The following PTPRD variants were observed in gnomAD, a reference collection of about 807,000 sequenced individuals.
The protein encoded by PTPRD is protein tyrosine phosphatase receptor type D.
In PTPRD, 34 loss-of-function variants were observed where a neutral mutation model predicts 214.5. The observed-to-expected ratio is 0.16, with a 90% CI of 0.12 to 0.21. The LOEUF is 0.21. PTPRD is among the 10% of genes least tolerant of loss of function. The pLI, the probability that PTPRD is intolerant of heterozygous loss-of-function variation, is 1.00. For missense variants in PTPRD, 2,545 were observed against 2,398.7 expected (o/e 1.06, Z -1.27); for synonymous variants, 1,128 against 845.7 (o/e 1.33, Z -5.79).
intron 3 of PTPRD, among the ~76,000 whole-genome samples, chr9:10,100,093 T>C (rs915497078): frequency 6.6e-6 from 1 of 151,674 alleles, no homozygotes; most frequent in Admixed American, 6.6e-5. Context: ...TTCCATAGGA[T>C]ATGTTTTGAG....
At chr9:10,364,324 C>G (rs913327823) in intron 2 of PTPRD, among the ~76,000 whole-genome samples, 1 of 152,002 alleles carries the variant, frequency 6.6e-6, no homozygotes, top group Non-Finnish European at 1.5e-5. Context: ...TTTTAGGTGA[C>G]AAAGCCAAAG....
intron 39 of PTPRD, among the ~76,000 whole-genome samples, chr9:8,367,582 T>G (rs4742487): frequency 6.6e-6 from 1 of 151,986 alleles, no homozygotes; most frequent in East Asian, 1.9e-4. Context: ...AGTGCAATGA[T>G]ATAATTATAA....
At chr9:8,359,075 T>G (rs1588602821) in intron 39 of PTPRD, among the ~76,000 whole-genome samples, 1 of 104,028 alleles carries the variant, frequency 9.6e-6, no homozygotes, top group Non-Finnish European at 1.7e-5. Context: ...ACCACTGCAC[T>G]CCCACCTGGG....
At chr9:9,676,095 T>G (rs1226081501) in intron 7 of PTPRD, among the ~76,000 whole-genome samples, 2 of 152,100 alleles carry the variant, frequency 1.3e-5, no homozygotes, top group Non-Finnish European at 2.9e-5. Context: ...TAAAAGAATT[T>G]TGTGTAATCC....
At chr9:8,965,290 G>C (rs1343815699) in intron 11 of PTPRD, among the ~76,000 whole-genome samples, 1 of 151,558 alleles carries the variant, frequency 6.6e-6, no homozygotes, top group Non-Finnish European at 1.5e-5. Context: ...TGAGGCAGGA[G>C]AATCAGTTGA....
chr9:10,347,468 C>A (rs1415510133), intron 2 of PTPRD, among the ~76,000 whole-genome samples: 1 of 143,072 alleles, frequency 7.0e-6, no homozygotes, highest in Admixed American at 7.3e-5. Context: ...TGGAGTGCAA[C>A]GGCACAATCT....
intron 12 of PTPRD, among the ~76,000 whole-genome samples, chr9:8,692,376 T>C (rs1597155044): frequency 6.6e-6 from 1 of 152,174 alleles, no homozygotes; most frequent in Non-Finnish European, 1.5e-5. Context: ...TCCTGGAATC[T>C]TCCATTGGAC....
chr9:10,118,941 A>C (rs2098753071), intron 3 of PTPRD, among the ~76,000 whole-genome samples: 1 of 151,614 alleles, frequency 6.6e-6, no homozygotes. Context: ...TTTAGCTTGA[A>C]AGAGATACAT....
At chr9:8,923,781 C>A (rs2098844629) in intron 11 of PTPRD, among the ~76,000 whole-genome samples, 1 of 152,152 alleles carries the variant, frequency 6.6e-6, no homozygotes, top group Admixed American at 6.6e-5. Context: ...AACACCAGGA[C>A]ATGTGGCTCT....
intron 2 of PTPRD, among the ~76,000 whole-genome samples, chr9:10,490,160 T>C (rs2039710097): frequency 6.6e-6 from 1 of 152,162 alleles, no homozygotes; most frequent in Non-Finnish European, 1.5e-5. Context: ...GGGAAATCTT[T>C]TGGAGGGATA....
chr9:10,245,683 G>A (rs2091957615), intron 3 of PTPRD, among the ~76,000 whole-genome samples: 1 of 152,090 alleles, frequency 6.6e-6, no homozygotes, highest in South Asian at 2.1e-4. Flanking sequence ...AACAAACTAT[G>A]AAAAAAGAAA....
chr9:9,275,642 G>C (rs939027953), intron 9 of PTPRD, among the ~76,000 whole-genome samples: 2 of 151,312 alleles, frequency 1.3e-5, no homozygotes, highest in Admixed American at 6.6e-5. Flanking sequence ...GACAAGGGCT[G>C]CTGCCCCCAG....
chr9:8,559,197 A>C (rs1481309262), intron 14 of PTPRD, among the ~76,000 whole-genome samples: 1 of 152,218 alleles, frequency 6.6e-6, no homozygotes, highest in Non-Finnish European at 1.5e-5. Context: ...TCAATAGTAC[A>C]GTAGAAAAAT....
chr9:9,838,872 T>A (rs2153629654), intron 5 of PTPRD, among the ~76,000 whole-genome samples: 1 of 152,204 alleles, frequency 6.6e-6, no homozygotes, highest in South Asian at 2.1e-4. Context: ...AATGCCTAGG[T>A]TTTCTTCTAG....
intron 5 of PTPRD, among the ~76,000 whole-genome samples, chr9:9,930,931 C>A (rs1164860142): frequency 6.6e-6 from 1 of 151,934 alleles, no homozygotes; most frequent in Non-Finnish European, 1.5e-5. Flanking sequence ...GGAATTACTA[C>A]CATGACTCTC....
chr9:8,474,150 G>A (rs910333549), intron 30 of PTPRD, among the ~76,000 whole-genome samples: 17 of 151,932 alleles, frequency 1.1e-4, no homozygotes, highest in African/African-American at 1.7e-4. Flanking sequence ...GCTTCCCATC[G>A]CTTCCTGCAG....
intron 3 of PTPRD, among the ~76,000 whole-genome samples, chr9:10,036,935 G>A (rs1455979520): frequency 2.6e-5 from 4 of 151,334 alleles, no homozygotes; most frequent in Non-Finnish European, 5.9e-5. Flanking sequence ...CTCAAGGTGA[G>A]TGCAGTGGCA....
Position 10,289,179 on chromosome 9 carries a change from A to T in PTPRD, c.-545+51784T>A, listed in dbSNP as rs529740665. Among the ~76,000 whole-genome samples, 314 of 152,288 alleles carry T rather than the reference A, an allele frequency of 2.1e-3. 2 individuals are homozygous for T. The highest frequency in any genetic ancestry group is 6.9e-3 in the African/African-American group (287 of 41,576). On this transcript the variant is annotated intron_variant, in intron 3 of 45. Coordinates refer to ENST00000381196, the MANE Select transcript of PTPRD (RefSeq NM_002839.4). ...TCTAGAAATGAGGTAGGTTATACAA[A>T]GTTTGGGTAGATTTATTCACAACCT...
intron 14 of PTPRD, among the ~76,000 whole-genome samples, chr9:8,559,198 G>C (rs144368973): frequency 3.3e-4 from 50 of 152,244 alleles, no homozygotes; most frequent in African/African-American, 1.1e-3. Context: ...CAATAGTACA[G>C]TAGAAAAATT....
Sources: allele counts gnomAD v4.1 joint callset (sites outside exome capture counted in the v4.1 genomes callset), GRCh38; gene constraint gnomAD v4.1.1; transcripts MANE v1.5; gene names NCBI Gene and HGNC (gene_info 2026-07-23, HGNC 2026-07-21).